The following PCDHA6 variants were observed in gnomAD, a reference collection of about 807,000 sequenced individuals.
The protein encoded by PCDHA6 is protocadherin alpha-6.
PCDHA6 carries 55 observed loss-of-function variants against 60.3 expected under a neutral mutation model. The ratio of observed to expected loss-of-function variants is 0.91; its 90% CI spans 0.73 to 1.14. The LOEUF (loss-of-function observed/expected upper bound fraction) is 1.14, where lower values mean the gene tolerates loss of function less well. Ranked by LOEUF, PCDHA6 falls within the 50% of genes most tolerant of loss-of-function variation. The probability of loss-of-function intolerance (pLI) is 0.00; values close to 1 mark genes in which losing one functional copy is unlikely to be tolerated. For synonymous variants in PCDHA6, 652 were observed against 557.9 expected (o/e 1.17, Z -2.38); for missense variants, 1,327 against 1,256.5 (o/e 1.06, Z -0.85).
intron 3 of PCDHA6, among the ~76,000 whole-genome samples, chr5:140,990,421 G>A (rs374181612): frequency 2.6e-5 from 4 of 152,190 alleles, no homozygotes; most frequent in Non-Finnish European, 5.9e-5. Flanking sequence ...CTTTCAACCA[G>A]CATTGACCCA....
At chr5:140,940,245 T>A (rs1262681154) in intron 1 of PCDHA6, among the ~76,000 whole-genome samples, 1 of 152,210 alleles carries the variant, frequency 6.6e-6, no homozygotes, top group Non-Finnish European at 1.5e-5. Flanking sequence ...TAAAGTTACC[T>A]CCTCAATATC....
chr5:140,912,897 G>A (rs782442093), intron 1 of PCDHA6, among the ~76,000 whole-genome samples: 5 of 152,172 alleles, frequency 3.3e-5, no homozygotes, highest in Non-Finnish European at 5.9e-5. Context: ...TTGATATGAT[G>A]TATCATATTG....
chr5:140,946,766 G>A (rs1554217856), intron 1 of PCDHA6, among the ~76,000 whole-genome samples: 1 of 151,394 alleles, frequency 6.6e-6, no homozygotes, highest in South Asian at 2.1e-4. Flanking sequence ...TCTCATTCAT[G>A]TGGAATGTAA....
rs2150283763 is a variant in PCDHA6, at chr5:140,838,077, AGTGTGTGTGTGT to A, written c.2394+7635_2394+7646del. On this transcript the variant is annotated intron_variant, in intron 1 of 3. Coordinates refer to ENST00000529310, the MANE Select transcript of PCDHA6 (RefSeq NM_018909.4). ...TTTCCACTTTAAGTTATATATATAT[AGTGTGTGTGTGT>A]GTGTGTGTGTGTGTGTGTGTGTGTG... Among the ~76,000 whole-genome samples, 482 of 80,690 alleles carry A rather than the reference AGTGTGTGTGTGT, an allele frequency of 6.0e-3. 2 individuals are homozygous for A. Among genetic ancestry groups the A allele is most frequent in the East Asian group, 0.019 (58 of 3,058 alleles). 52.9% of individuals were successfully genotyped at this position (80,690 alleles called of 152,430 possible).
In PCDHA6 at chr5:141,010,126, C is replaced by A; in HGVS notation, c.*189C>A. The A allele has an allele frequency of 6.2e-7, 1 of 1,602,364 alleles. No homozygotes were observed. The highest frequency in any genetic ancestry group is 1.1e-5 in the South Asian group (1 of 89,898). ...TTTTGTCGTAAAAGCTTTACTAAGT[C>A]TGGTGTTAACTCTTTCTCTCCACTC... On this transcript the variant is annotated 3_prime_UTR_variant, in exon 4 of 4. Coordinates refer to ENST00000529310, the MANE Select transcript of PCDHA6 (RefSeq NM_018909.4).
chr5:140,868,889 C>A, intron 1 of PCDHA6: 1 of 744,508 alleles, frequency 1.3e-6, no homozygotes, highest in Non-Finnish European at 2.1e-6. Flanking sequence ...CAGTTTTAGG[C>A]GCAAGGTGTC....
At chr5:140,903,166 T>C (rs758397398) in intron 1 of PCDHA6, among the ~76,000 whole-genome samples, 34 of 152,226 alleles carry the variant, frequency 2.2e-4, no homozygotes, top group Non-Finnish European at 2.5e-4. Context: ...TGTGCTGGTT[T>C]ACATTCCCAC....
chr5:140,965,174 CT>C (rs1213439654), intron 1 of PCDHA6, among the ~76,000 whole-genome samples: 1 of 152,110 alleles, frequency 6.6e-6, no homozygotes, highest in East Asian at 1.9e-4. Context: ...TTAGTGAGTG[CT>C]TTTTTTGCAC....
At chr5:140,914,079 A>G (rs2076595090) in intron 1 of PCDHA6, among the ~76,000 whole-genome samples, 1 of 152,164 alleles carries the variant, frequency 6.6e-6, no homozygotes, top group South Asian at 2.1e-4. Context: ...ATAACTATCT[A>G]TTAGGTCAAT....
rs1045998593 is a variant in PCDHA6, at chr5:140,838,449, A to G, written c.2394+7964A>G. On this transcript the variant is annotated intron_variant, in intron 1 of 3. Coordinates refer to ENST00000529310, the MANE Select transcript of PCDHA6 (RefSeq NM_018909.4). ...TAAATTATATATTGGGTTTTGTGGC[A>G]TATTATTTCATTAGCGCTTATTCCT... 3.3e-5 allele frequency among the ~76,000 whole-genome samples: 5 copies of G among 151,718 alleles called. No individual in the cohort carries two copies. The East Asian group carries it at 9.7e-4, about 29-fold the overall frequency.
intron 1 of PCDHA6, among the ~76,000 whole-genome samples, chr5:140,845,512 T>C (rs2150379573): frequency 1.1e-4 from 17 of 149,824 alleles, no homozygotes; most frequent in Admixed American, 1.1e-3. Flanking sequence ...ACCTATTTCT[T>C]GTACATTAAT....
At chr5:140,978,795 G>T in intron 1 of PCDHA6, 154 bp from the exon 2 acceptor site, 1 of 979,238 alleles carries the variant, frequency 1.0e-6, no homozygotes, top group Non-Finnish European at 1.2e-6. Flanking sequence ...TGCTATATAT[G>T]TAGATATCAT....
At chr5:140,995,410 T>C (rs555899259) in intron 3 of PCDHA6, among the ~76,000 whole-genome samples, 1 of 152,310 alleles carries the variant, frequency 6.6e-6, no homozygotes, top group Non-Finnish European at 1.5e-5. Flanking sequence ...CGAGATTTCA[T>C]CACATTACTC....
intron 1 of PCDHA6, among the ~76,000 whole-genome samples, chr5:140,951,382 G>A (rs246042): frequency 0.56 from 85,615 of 151,810 alleles, 24,753 homozygotes; most frequent in African/African-American, 0.69. Context: ...CCCAAGACTC[G>A]GTAATTTATA....
intron 1 of PCDHA6, among the ~76,000 whole-genome samples, chr5:140,878,613 C>T (rs1413546987): frequency 1.3e-5 from 2 of 152,184 alleles, no homozygotes; most frequent in Admixed American, 6.5e-5. Context: ...TTCTAATGTG[C>T]ATTTTACATA....
At position 140,876,596 on chromosome 5, in the gene PCDHA6, C is replaced by G. The variant is rs1361945795; in HGVS notation, c.2394+46111C>G. ...ACCGTCATTGCCCTGATTAGCGTGT[C>G]GGATCGTGACTCTGGAGCCAATGGA... On this transcript the variant is annotated intron_variant, in intron 1 of 3. Transcript: ENST00000529310. The G allele has an allele frequency of 3.1e-6, 5 of 1,614,040 alleles. No individual in the cohort carries two copies. In the East Asian group the frequency reaches 8.9e-5, roughly 29 times the overall value.
chr5:140,856,559 C>T (rs782226001), intron 1 of PCDHA6: 3 of 1,598,104 alleles, frequency 1.9e-6, no homozygotes, highest in Non-Finnish European at 2.6e-6. Context: ...TACTTACAAA[C>T]TCAGTCCAAA....
intron 1 of PCDHA6, chr5:140,969,129 C>T: frequency 6.2e-7 from 1 of 1,614,144 alleles, no homozygotes; most frequent in Non-Finnish European, 8.5e-7. Context: ...GGCTCCCTCA[C>T]CAAGACCTAC....
chr5:140,968,422 G>C, intron 1 of PCDHA6: 2 of 1,613,984 alleles, frequency 1.2e-6, no homozygotes, highest in Non-Finnish European at 1.7e-6. Context: ...TGGAGGCTCA[G>C]GACAAGGGGA....
Sources: gnomAD v4.1 joint callset for allele counts (sites outside exome capture counted in the v4.1 genomes callset) on GRCh38, gnomAD v4.1.1 for gene constraint, MANE v1.5 for transcripts, NCBI Gene and HGNC (gene_info 2026-07-23, HGNC 2026-07-21) for gene names.